The following CIMAP2 variants were observed in gnomAD, a reference collection of about 807,000 sequenced individuals.
The protein encoded by CIMAP2 is ciliary microtubule-associated protein 2.
At chr1:54,814,964 C>G in the CIMAP2 span, 2 of 1,614,190 alleles carry the variant, frequency 1.2e-6, no homozygotes, top group South Asian at 2.2e-5. Flanking sequence ...AATGCAAACC[C>G]GTCAACCAGC....
chr1:54,837,578 G>T, the CIMAP2 span, among the ~76,000 whole-genome samples: 1 of 152,118 alleles, frequency 6.6e-6, no homozygotes, highest in Non-Finnish European at 1.5e-5. Flanking sequence ...CTTCTTCATG[G>T]TGCCAGACTC....
At chr1:54,838,977 G>A in the CIMAP2 span, among the ~76,000 whole-genome samples, 2 of 152,162 alleles carry the variant, frequency 1.3e-5, no homozygotes, top group Non-Finnish European at 2.9e-5. Flanking sequence ...AGGCTGCAAA[G>A]TCACATTGGA....
At chr1:54,837,923 A>G in the CIMAP2 span, among the ~76,000 whole-genome samples, 1 of 152,058 alleles carries the variant, frequency 6.6e-6, no homozygotes, top group Non-Finnish European at 1.5e-5. Context: ...TCTGTACTGG[A>G]TACCTATGTT....
At chr1:54,815,669 T>A in the CIMAP2 span, among the ~76,000 whole-genome samples, 2 of 152,196 alleles carry the variant, frequency 1.3e-5, no homozygotes, top group East Asian at 3.9e-4. Flanking sequence ...TCATTCTGTT[T>A]CTTACTCCAC....
the CIMAP2 span, among the ~76,000 whole-genome samples, chr1:54,830,698 A>G: frequency 6.6e-6 from 1 of 152,162 alleles, no homozygotes; most frequent in Admixed American, 6.5e-5. This position sits in a 1 kb window ranked among gnomAD's most constrained non-coding sequence, Gnocchi z 4.1. Flanking sequence ...TATCAAACTG[A>G]TATTATATAG....
At chr1:54,822,345 A>G in the CIMAP2 span, among the ~76,000 whole-genome samples, 21 of 151,810 alleles carry the variant, frequency 1.4e-4, no homozygotes, top group African/African-American at 5.1e-4. Context: ...TATGTTTTCA[A>G]AAAACCAACC....
the CIMAP2 span, chr1:54,806,274 C>G: frequency 1.4e-6 from 2 of 1,438,490 alleles, no homozygotes. Flanking sequence ...CAGCTGCTGC[C>G]CACCCCGAAG....
chr1:54,815,080 C>T, the CIMAP2 span: 1 of 1,609,956 alleles, frequency 6.2e-7, no homozygotes, highest in Non-Finnish European at 8.5e-7. Flanking sequence ...GAACTCTCTC[C>T]TGCCTCTACA....
chr1:54,826,667 T>C, the CIMAP2 span, among the ~76,000 whole-genome samples: 1 of 152,170 alleles, frequency 6.6e-6, no homozygotes, highest in African/African-American at 2.4e-5. Flanking sequence ...GGCTCTCCTG[T>C]GGGTAGGATT....
chr1:54,840,636 T>C, the CIMAP2 span, among the ~76,000 whole-genome samples: 1 of 152,230 alleles, frequency 6.6e-6, no homozygotes, highest in Non-Finnish European at 1.5e-5. Context: ...GGCATCCTTG[T>C]CAGCACTTGG....
chr1:54,833,934 T>C, the CIMAP2 span, among the ~76,000 whole-genome samples: 1 of 152,116 alleles, frequency 6.6e-6, no homozygotes, highest in African/African-American at 2.4e-5. Context: ...ACCTCCCAGG[T>C]TCAAGCAATT....
chr1:54,827,011 A>G, the CIMAP2 span, among the ~76,000 whole-genome samples: 890 of 152,400 alleles, frequency 5.8e-3, 3 homozygotes, highest in Middle Eastern at 0.014. Context: ...AAGCAGAGAT[A>G]AATGCATGTA....
chr1:54,807,837 C>A, the CIMAP2 span: 19 of 1,530,934 alleles, frequency 1.2e-5, no homozygotes, highest in South Asian at 7.8e-5. Flanking sequence ...CTTCTTCCTG[C>A]GTGGATTTTC....
At chr1:54,822,634 G>A in the CIMAP2 span, among the ~76,000 whole-genome samples, 1 of 152,094 alleles carries the variant, frequency 6.6e-6, no homozygotes, top group East Asian at 1.9e-4. Flanking sequence ...CTCCTGAGTA[G>A]CTGGAACTAC....
chr1:54,821,556 T>C, the CIMAP2 span, among the ~76,000 whole-genome samples: 1 of 152,196 alleles, frequency 6.6e-6, no homozygotes, highest in Non-Finnish European at 1.5e-5. Context: ...TCCATTTGTT[T>C]GTGTCCTCTT....
At chr1:54,809,104 G>A in the CIMAP2 span, among the ~76,000 whole-genome samples, 1 of 132,784 alleles carries the variant, frequency 7.5e-6, no homozygotes, top group South Asian at 2.5e-4. Flanking sequence ...TTTGTGGACT[G>A]AATAAGTGCA....
chr1:54,816,583 A>AC, the CIMAP2 span, among the ~76,000 whole-genome samples: 1 of 151,898 alleles, frequency 6.6e-6, no homozygotes, highest in African/African-American at 2.4e-5. Context: ...TCCCTCTGAA[A>AC]CCTGTTGAGA....
chr1:54,841,587 A>C, the CIMAP2 span: 1 of 1,614,072 alleles, frequency 6.2e-7, no homozygotes, highest in Admixed American at 1.7e-5. Flanking sequence ...AGCTGAACTG[A>C]GTGTGAATTG....
At chr1:54,807,863 T>C in the CIMAP2 span, 5 of 1,549,456 alleles carry the variant, frequency 3.2e-6, no homozygotes, top group Non-Finnish European at 4.3e-6. Flanking sequence ...TTTAAGGCTT[T>C]CATTTTCTCT....
Sources: gnomAD v4.1 joint callset for allele counts (sites outside exome capture counted in the v4.1 genomes callset) on GRCh38, gnomAD v4.1.1 for gene constraint, Gnocchi (gnomAD v3.1) non-coding constraint, MANE v1.5 for transcripts, NCBI Gene and HGNC (gene_info 2026-07-23, HGNC 2026-07-21) for gene names.